REG3G: variants seen among roughly 807,000 people sequenced by gnomAD.
The protein encoded by REG3G is regenerating islet-derived protein 3-gamma.
A neutral mutation model predicts 20.9 loss-of-function variants in REG3G; 19 were observed. The ratio of observed to expected loss-of-function variants is 0.91; its 90% CI spans 0.64 to 1.34. The LOEUF is 1.34. Among genes scored for constraint, REG3G ranks in the 40% most tolerant of loss-of-function variants. REG3G has a pLI of 0.00. For missense variants in REG3G, 235 were observed against 205.0 expected (o/e 1.15, Z -0.89); for synonymous variants, 89 against 77.4 (o/e 1.15, Z -0.79).
Position 79,027,870 on chromosome 2 carries a change from TG to T in REG3G, c.400del (p.Glu134ArgfsTer8), listed in dbSNP as rs1354043070. On this transcript the variant is annotated frameshift_variant, in exon 5 of 6. Coordinates refer to ENST00000272324, the MANE Select transcript of REG3G (RefSeq NM_001008387.3). LOFTEE classifies it high-confidence loss of function. ...CACTGATGTGATGAATTACTTTGCA[TG>T]GGAGAAAAATCCCTCCACCATCTTA... Reference protein sequence around the residue: ...SSTDVMNYFAWEKNPSTILNP... With the variant: ...SSTDVMNYFAXEKNPSTILNP... 1.9e-6 allele frequency: 3 copies of T among 1,613,918 alleles called. No homozygotes were observed. The highest frequency in any genetic ancestry group is 4.5e-5 in the East Asian group (2 of 44,868).
chr2:79,026,992 T>G lies in REG3G; in HGVS notation c.196-42T>G, dbSNP rs372764228. ...CTACCTTTTCCCTGCCCTCCCTCAG[T>G]GGGTCTCAGGCTCCATCTCATTCTC... On this transcript the variant is annotated intron_variant, in intron 3 of 5. Coordinates refer to ENST00000272324, the MANE Select transcript of REG3G (RefSeq NM_001008387.3). 6.2e-6 allele frequency: 10 copies of G among 1,612,858 alleles called. No individual in the cohort carries two copies. In the African/African-American group the frequency reaches 1.2e-4, roughly 19 times the overall value.
chr2:79,027,804 T>C lies in REG3G; in HGVS notation c.334-3T>C, dbSNP rs1321472080. ...TCACCTGGCTGCCTCCTCTTCTCTA[T>C]AGGGCTCTGAGCCTGATGGAGATGG... On this transcript the variant is annotated splice_polypyrimidine_tract_variant and splice_region_variant and intron_variant, in intron 4 of 5. Transcript: ENST00000272324. 30 of 1,613,880 alleles carry C rather than the reference T, an allele frequency of 1.9e-5. No individual in the cohort carries two copies. The highest frequency in any genetic ancestry group is 2.2e-5 in the East Asian group (1 of 44,874).
At chr2:79,025,837 G>A (rs1019263359) in intron 1 of REG3G, 64 bp downstream of exon 1, 20 of 463,410 alleles carry the variant, frequency 4.3e-5, no homozygotes, top group South Asian at 8.4e-5. Context: ...ACAGGAGAAC[G>A]CATGGGAGGG....
At chr2:79,026,513 G>A in intron 2 of REG3G, 200 bp from the exon 3 acceptor site, 1 of 603,816 alleles carries the variant, frequency 1.7e-6, no homozygotes, top group Non-Finnish European at 2.9e-6. Context: ...TGAATAAGGG[G>A]AAAGGGTAAT....
chr2:79,027,715 C>T (rs1671660156), intron 4 of REG3G, 92 bp from the exon 5 acceptor site: 1 of 1,472,888 alleles, frequency 6.8e-7, no homozygotes, highest in Middle Eastern at 1.8e-4. Flanking sequence ...ATCCCTGATG[C>T]TGGGGAGGAA....
rs1671608625 is a variant in REG3G at position 79,026,040 on chromosome 2, C to T, written c.-54C>T. On this transcript the variant is annotated 5_prime_UTR_variant, in exon 2 of 6. Coordinates refer to ENST00000272324, the MANE Select transcript of REG3G (RefSeq NM_001008387.3). ...GGCAGTAGGATATCTGTGTGTCCTC[C>T]CGCTGACCACACTTCCTTTAGTGAC... 6 of 1,563,456 alleles carry T rather than the reference C, an allele frequency of 3.8e-6. No individual in the cohort carries two copies. The Admixed American group carries it at 1.0e-4, about 26-fold the overall frequency.
rs181424455 is a variant in REG3G, at chr2:79,025,867, A to G, written c.-112+94A>G. The G allele has an allele frequency of 2.5e-5, 13 of 530,572 alleles. No individual in the cohort carries two copies. In the East Asian group the frequency reaches 4.1e-4, roughly 17 times the overall value. The allele number at this position is 530,572 out of a possible 1,614,324, so 32.9% of individuals were successfully genotyped here. On this transcript the variant is annotated intron_variant, in intron 1 of 5. Transcript: ENST00000272324. ...GGAGGGTCCCTTCCTCAGGGAGCAC[A>G]GGAGCTCTGAGACTCAGCAAGGCTG...
intron 5 of REG3G, 57 bp from the exon 6 acceptor site, chr2:79,028,152 C>T: frequency 1.4e-6 from 2 of 1,402,066 alleles, no homozygotes; most frequent in Non-Finnish European, 2.0e-6. Flanking sequence ...TGGGATGCCT[C>T]TTCACTGGGT....
At position 79,028,263 on chromosome 2, in the gene REG3G, A is replaced by G; in HGVS notation, c.515A>G (p.Lys172Arg). ...NCDAKLPYVC[K>R]FKD Reference sequence around the variant, plus strand: ...GATGCAAAGTTACCCTATGTCTGCAAGTTCAAGGACTAGGGCAGGTGGGAA... The same window carrying G: ...GATGCAAAGTTACCCTATGTCTGCAGGTTCAAGGACTAGGGCAGGTGGGAA... The change falls in exon 6 of 6, where the codon AAG becomes AGG. Residue 172 changes from lysine to arginine, a missense_variant. Physicochemically the swap from Lys to Arg is conservative, Grantham distance 26 (BLOSUM62 2). Transcript: ENST00000272324. 6.2e-7 allele frequency: 1 copy of G among 1,612,734 alleles called. No homozygotes were observed. Among genetic ancestry groups the G allele is most frequent in the Non-Finnish European group, 8.5e-7 (1 of 1,178,868 alleles).
Position 79,027,852 on chromosome 2 carries a change from G to A in REG3G, c.379G>A (p.Val127Met). The A allele has an allele frequency of 6.2e-7, 1 of 1,614,042 alleles. No individual in the cohort carries two copies. Among genetic ancestry groups the A allele is most frequent in the Non-Finnish European group, 8.5e-7 (1 of 1,179,972 alleles). ...GDGWEWSSTD[V>M]MNYFAWEKNP... is the part of the protein sequence containing the mutation. ...TGGATGGGAGTGGAGTAGCACTGAT[G>A]TGATGAATTACTTTGCATGGGAGAA... The change falls in exon 5 of 6, where the codon GTG becomes ATG. Residue 127 changes from valine (V) to methionine (M), a missense_variant. Transcript: ENST00000272324.
Position 79,028,286 on chromosome 2 carries a change from G to A in REG3G, c.*10G>A, listed in dbSNP as rs2103968836. ...CAAGTTCAAGGACTAGGGCAGGTGG[G>A]AAGTCAGCAGCCTGAGCTTGGCGTG... On this transcript the variant is annotated 3_prime_UTR_variant, in exon 6 of 6. Transcript: ENST00000272324. The A allele has an allele frequency of 3.8e-6, 6 of 1,599,472 alleles. No homozygotes were observed. Among genetic ancestry groups the A allele is most frequent in the Non-Finnish European group, 5.1e-6 (6 of 1,166,694 alleles).
intron 4 of REG3G, 144 bp downstream of exon 4, chr2:79,027,315 TC>T: frequency 1.2e-6 from 1 of 862,198 alleles, no homozygotes; most frequent in Non-Finnish European, 1.8e-6. Flanking sequence ...GAATAGGAAG[TC>T]CATGAGGCAG....
intron 5 of REG3G, 49 bp from the exon 6 acceptor site, chr2:79,028,160 G>A (rs776988599): frequency 1.4e-6 from 2 of 1,438,186 alleles, no homozygotes; most frequent in Non-Finnish European, 9.8e-7. Context: ...CTCTTCACTG[G>A]GTTCACAAGT....
At chr2:79,027,348 A>G in intron 4 of REG3G, 177 bp downstream of exon 4, 1 of 627,350 alleles carries the variant, frequency 1.6e-6, no homozygotes, top group Non-Finnish European at 2.7e-6. Flanking sequence ...AATTCTACGG[A>G]GATCCCTAGT....
At chr2:79,027,589 G>T (rs1323916586) in intron 4 of REG3G, among the ~76,000 whole-genome samples, 1 of 152,130 alleles carries the variant, frequency 6.6e-6, no homozygotes, top group Non-Finnish European at 1.5e-5. Flanking sequence ...ATATTACCTT[G>T]AGTGATTCCA....
At chr2:79,025,880 C>T in intron 1 of REG3G, 103 bp from the exon 2 acceptor site, 1 of 544,726 alleles carries the variant, frequency 1.8e-6, no homozygotes, top group Non-Finnish European at 3.3e-6. Context: ...AGCTCTGAGA[C>T]TCAGCAAGGC....
intron 2 of REG3G, 44 bp downstream of exon 2, chr2:79,026,213 C>T: frequency 3.8e-6 from 6 of 1,590,522 alleles, no homozygotes; most frequent in Non-Finnish European, 5.2e-6. Flanking sequence ...TATGAATCCT[C>T]AGAGCCAAGA....
In REG3G at chr2:79,026,173, A is replaced by G; in HGVS notation, c.76+4A>G. The stretch of plus-strand genomic sequence containing the variant: ...ATTCTCCTGTGTCAGGTTCAAGGTG[A>G]GATTTCTCTGCCTCTAGCACTGGGT... On this transcript the variant is annotated splice_donor_region_variant and intron_variant, in intron 2 of 5. Coordinates refer to ENST00000272324, the MANE Select transcript of REG3G (RefSeq NM_001008387.3). 1 of 1,613,846 alleles carries G rather than the reference A, an allele frequency of 6.2e-7. No individual in the cohort carries two copies. Among genetic ancestry groups the G allele is most frequent in the Non-Finnish European group, 8.5e-7 (1 of 1,179,814 alleles).
At chr2:79,027,381 T>C in intron 4 of REG3G, 1 of 553,286 alleles carries the variant, frequency 1.8e-6, no homozygotes, top group Non-Finnish European at 3.1e-6. Context: ...TTAGTCGGAC[T>C]CTTGTAAAAC....
Sources: allele counts gnomAD v4.1 joint callset (sites outside exome capture counted in the v4.1 genomes callset), GRCh38; gene constraint gnomAD v4.1.1; transcripts MANE v1.5; gene names NCBI Gene and HGNC (gene_info 2026-07-23, HGNC 2026-07-21).